The following MYO9B variants were observed in gnomAD, a reference collection of about 807,000 sequenced individuals.
The protein encoded by MYO9B is myosin IXB.
Under a neutral mutation model 229.5 loss-of-function variants are expected in MYO9B, and 71 were observed. The ratio of observed to expected loss-of-function variants is 0.31; its 90% CI spans 0.26 to 0.38. The LOEUF (loss-of-function observed/expected upper bound fraction) is 0.38, where lower values mean the gene tolerates loss of function less well. MYO9B is among the 10% of genes least tolerant of loss of function. MYO9B has a pLI of 1.00. For synonymous variants in MYO9B, 1,185 were observed against 1,235.8 expected, an observed-to-expected ratio of 0.96 and a Z score of 0.86; for missense variants, 2,255 against 2,920.5, an observed-to-expected ratio of 0.77 and a Z score of 5.25.
intron 2 of MYO9B, among the ~76,000 whole-genome samples, chr19:17,138,359 A>G (rs1225779024): frequency 6.6e-6 from 1 of 152,184 alleles, no homozygotes; most frequent in African/African-American, 2.4e-5. Context: ...CGCAGTAAAC[A>G]TACGTGTGCA....
chr19:17,121,954 C>T (rs2057969809), intron 2 of MYO9B, among the ~76,000 whole-genome samples: 1 of 151,434 alleles, frequency 6.6e-6, no homozygotes, highest in Admixed American at 6.6e-5. Flanking sequence ...CCACTGCACT[C>T]CAGCCTGGGC....
intron 6 of MYO9B, among the ~76,000 whole-genome samples, chr19:17,155,218 C>T (rs1345433551): frequency 6.6e-6 from 1 of 151,668 alleles, no homozygotes; most frequent in Non-Finnish European, 1.5e-5. Context: ...GATGGGGTCT[C>T]GCTCTTTCAC....
chr19:17,090,169 G>A (rs1358379233), intron 1 of MYO9B, among the ~76,000 whole-genome samples: 3 of 92,108 alleles, frequency 3.3e-5, no homozygotes, highest in African/African-American at 1.2e-4. Flanking sequence ...TTTGAGATAA[G>A]GTCTGGCCCT....
rs1482898427 is a variant in MYO9B at position 17,167,507 on chromosome 19, C to T, written c.1672-436C>T. Among the ~76,000 whole-genome samples, 3 of 138,916 alleles carry T rather than the reference C, an allele frequency of 2.2e-5. No individual in the cohort carries two copies. In the East Asian group the frequency reaches 6.2e-4, roughly 29 times the overall value. 91.1% of individuals were successfully genotyped at this position (138,916 alleles called of 152,430 possible). On this transcript the variant is annotated intron_variant, in intron 10 of 39. Coordinates refer to ENST00000682292, the MANE Select transcript of MYO9B (RefSeq NM_004145.4). ...TTTTTTTTTTTGTGACGGAGTTTCG[C>T]TCTTGTTGCCCAGGCTGGAGTAGGA...
At chr19:17,205,379 T>G in intron 31 of MYO9B, 43 bp downstream of exon 31, 1 of 1,578,328 alleles carries the variant, frequency 6.3e-7, no homozygotes, top group Non-Finnish European at 8.7e-7. Context: ...GACACTCCAC[T>G]CACGGCCAGG....
At chr19:17,137,580 C>T (rs2072287087) in intron 2 of MYO9B, among the ~76,000 whole-genome samples, 1 of 152,144 alleles carries the variant, frequency 6.6e-6, no homozygotes, top group Non-Finnish European at 1.5e-5. Context: ...TGATCTTGAG[C>T]TCCTCCCTGT....
chr19:17,172,256 C>T lies in MYO9B; in HGVS notation c.1794-80C>T. On this transcript the variant is annotated intron_variant, in intron 11 of 39. Transcript: ENST00000682292. The surrounding 1 kb of genome is among the most constrained non-coding windows in gnomAD (Gnocchi z 8.2). ...CCATGCACCCACCCACCTCGTGCAC[C>T]AGGGGTCTGCAAGATAAAATACACA... is the stretch of plus-strand genomic sequence containing the variant. The T allele has an allele frequency of 1.3e-6, 2 of 1,565,006 alleles. No homozygotes were observed. The highest frequency in any genetic ancestry group is 1.7e-4 in the Middle Eastern group (1 of 5,784).
At chr19:17,089,342 G>C (rs556903057) in intron 1 of MYO9B, among the ~76,000 whole-genome samples, 1 of 151,954 alleles carries the variant, frequency 6.6e-6, no homozygotes, top group African/African-American at 2.4e-5. Context: ...AATGCTGCAC[G>C]ATGCATCCTA....
chr19:17,211,129 C>T (rs965773349), intron 38 of MYO9B, among the ~76,000 whole-genome samples: 28 of 151,904 alleles, frequency 1.8e-4, no homozygotes, highest in Admixed American at 3.3e-4. Flanking sequence ...TTACAGGTGC[C>T]CACCACCATG....
At position 17,179,341 on chromosome 19, in the gene MYO9B, A is replaced by G. The variant is rs370604900; in HGVS notation, c.2220-1586A>G. On this transcript the variant is annotated intron_variant, in intron 14 of 39. Transcript: ENST00000682292. ...CCAACAAGGAGATTGACATCTGGCC[A>G]CAAAATCATGGAGAGAGACTAATTT... Among the ~76,000 whole-genome samples the G allele has an allele frequency of 2.9e-4, 44 of 151,430 alleles. 1 individual carries two copies. The highest frequency in any genetic ancestry group is 1.0e-3 in the African/African-American group (42 of 41,372).
In MYO9B at chr19:17,177,062, G is replaced by A. The variant is rs148358970; in HGVS notation, c.2219+1321G>A. Among the ~76,000 whole-genome samples the A allele has an allele frequency of 4.6e-3, 699 of 152,134 alleles. 7 individuals carry two copies. Among genetic ancestry groups the A allele is most frequent in the African/African-American group, 0.016 (666 of 41,510 alleles). On this transcript the variant is annotated intron_variant, in intron 14 of 39. Coordinates refer to ENST00000682292, the MANE Select transcript of MYO9B (RefSeq NM_004145.4). The stretch of plus-strand genomic sequence containing the variant: ...CTAAAAATACTAAAATTAGCCAGGC[G>A]TGGTGGCGAGTACCTGTAGTCCCAG...
intron 15 of MYO9B, among the ~76,000 whole-genome samples, chr19:17,182,340 A>G (rs2072870929): frequency 6.6e-6 from 1 of 151,994 alleles, no homozygotes; most frequent in Non-Finnish European, 1.5e-5. Flanking sequence ...TTCCTGCCTC[A>G]GCCTCTCAAA....
intron 2 of MYO9B, among the ~76,000 whole-genome samples, chr19:17,144,147 C>CA (rs2072377893): frequency 6.6e-6 from 1 of 150,530 alleles, no homozygotes; most frequent in Non-Finnish European, 1.5e-5. Context: ...GCCTGGGAGA[C>CA]AGAAGTTGCA....
intron 1 of MYO9B, among the ~76,000 whole-genome samples, chr19:17,096,704 TG>T (rs1555800847): frequency 7.6e-5 from 3 of 39,450 alleles, no homozygotes; most frequent in Non-Finnish European, 1.4e-4. Context: ...TTGTTGTTGT[TG>T]GTTTTTTTTT....
intron 2 of MYO9B, among the ~76,000 whole-genome samples, chr19:17,127,255 C>G (rs547182359): frequency 6.7e-6 from 1 of 149,680 alleles, no homozygotes; most frequent in African/African-American, 2.5e-5. Flanking sequence ...CCACCCCCCT[C>G]GGCCTTCCAA....
Position 17,212,649 on chromosome 19 carries a change from A to G in MYO9B, c.*339A>G, listed in dbSNP as rs2145536524. 3.3e-6 allele frequency: 1 copy of G among 304,260 alleles called. No homozygotes were observed. The highest frequency in any genetic ancestry group is 6.0e-6 in the Non-Finnish European group (1 of 165,790). 18.8% of individuals were successfully genotyped at this position (304,260 alleles called of 1,614,324 possible). Reference sequence around the variant, plus strand: ...TTTAAACTGTAACAGCCTTAATGGAAGACCAAATGGTTTTTTATATGTGTA... The same window carrying G: ...TTTAAACTGTAACAGCCTTAATGGAGGACCAAATGGTTTTTTATATGTGTA... On this transcript the variant is annotated 3_prime_UTR_variant, in exon 40 of 40. Coordinates refer to ENST00000682292, the MANE Select transcript of MYO9B (RefSeq NM_004145.4). The surrounding 1 kb of genome is among the most constrained non-coding windows in gnomAD (Gnocchi z 5.4).
At chr19:17,207,957 C>G (rs2073181142) in intron 35 of MYO9B, 1 of 150,854 alleles carries the variant, frequency 6.6e-6, no homozygotes, top group African/African-American at 2.4e-5. Context: ...TTGCAGTGAG[C>G]TGAGATCATG....
chr19:17,205,150 C>CA (rs759938283), intron 30 of MYO9B, 113 bp from the exon 31 acceptor site: 22,905 of 496,426 alleles, frequency 0.046, 2 homozygotes, highest in Non-Finnish European at 0.053. Flanking sequence ...GACTCCATCT[C>CA]AAAAAAAAAA....
At position 17,193,089 on chromosome 19, in the gene MYO9B, G is replaced by C; in HGVS notation, c.3128+27G>C. The C allele has an allele frequency of 7.0e-7, 1 of 1,425,432 alleles. No individual in the cohort carries two copies. Among genetic ancestry groups the C allele is most frequent in the South Asian group, 1.5e-5 (1 of 66,792 alleles). 88.3% of individuals were successfully genotyped at this position (1,425,432 alleles called of 1,614,324 possible). On this transcript the variant is annotated intron_variant, in intron 21 of 39. Transcript: ENST00000682292. The surrounding 1 kb of genome is among the most constrained non-coding windows in gnomAD (Gnocchi z 4.3). ...TGAGCAGAGCCGGGCCACGCTCCTC[G>C]GAATATTCCAGAAGCCAAAAAGGTC... is the stretch of plus-strand genomic sequence containing the variant.
Sources: gnomAD v4.1 joint callset for allele counts (sites outside exome capture counted in the v4.1 genomes callset) on GRCh38, gnomAD v4.1.1 for gene constraint, Gnocchi (gnomAD v3.1) non-coding constraint, MANE v1.5 for transcripts, NCBI Gene and HGNC (gene_info 2026-07-23, HGNC 2026-07-21) for gene names.